CFAP43: variants seen among roughly 807,000 people sequenced by gnomAD.
CFAP43 encodes cilia and flagella associated protein 43.
A neutral mutation model predicts 218.9 loss-of-function variants in CFAP43; 155 were observed. That is an observed-to-expected ratio of 0.71 (90% confidence interval 0.62 to 0.81). The LOEUF (loss-of-function observed/expected upper bound fraction) is 0.81, where lower values mean the gene tolerates loss of function less well. Among genes scored for constraint, CFAP43 ranks in the 30% least tolerant of loss-of-function variants. The pLI is 0.00. For missense variants in CFAP43, 1,778 were observed against 1,954.3 expected (o/e 0.91, Z 1.70); for synonymous variants, 645 against 681.3 (o/e 0.95, Z 0.83).
chr10:104,207,944 T>C (rs1201173651), intron 5 of CFAP43, 120 bp from the exon 6 acceptor site: 3 of 947,562 alleles, frequency 3.2e-6, no homozygotes, highest in East Asian at 5.4e-5. Context: ...GCAGAAAACA[T>C]AGGAACATTG....
intron 27 of CFAP43, among the ~76,000 whole-genome samples, chr10:104,157,219 ACT>A (rs2088595282): frequency 6.6e-6 from 1 of 152,122 alleles, no homozygotes; most frequent in African/African-American, 2.4e-5. Flanking sequence ...CTTTCCCTGG[ACT>A]CTGTTTAGTT....
chr10:104,193,709 C>G, intron 11 of CFAP43, 157 bp downstream of exon 11: 1 of 1,018,016 alleles, frequency 9.8e-7, no homozygotes, highest in Middle Eastern at 3.3e-4. Flanking sequence ...TACTACACAG[C>G]CCTCTGTACC....
chr10:104,178,066 A>G (rs2089692757), intron 19 of CFAP43, among the ~76,000 whole-genome samples: 1 of 152,226 alleles, frequency 6.6e-6, no homozygotes, highest in Admixed American at 6.5e-5. Context: ...GCATGGCACA[A>G]CACAGCAGTC....
At chr10:104,175,095 AAAC>A (rs2089574618) in intron 19 of CFAP43, among the ~76,000 whole-genome samples, 1 of 151,586 alleles carries the variant, frequency 6.6e-6, no homozygotes, top group African/African-American at 2.4e-5. Flanking sequence ...AAACAAAAAA[AAAC>A]CAAAAAGAAA....
chr10:104,206,604 A>T (rs7907367), intron 6 of CFAP43, among the ~76,000 whole-genome samples: 8,663 of 152,288 alleles, frequency 0.057, 292 homozygotes, highest in South Asian at 0.13. Context: ...AACTGCATAG[A>T]TTGGGTCAGA....
At chr10:104,163,264 C>CAAAAGG (rs2088972955) in intron 24 of CFAP43, among the ~76,000 whole-genome samples, 1 of 152,128 alleles carries the variant, frequency 6.6e-6, no homozygotes, top group Non-Finnish European at 1.5e-5. Flanking sequence ...ATATCAGTAC[C>CAAAAGG]TACCTTATGA....
chr10:104,170,443 G>T (rs1367639660), intron 20 of CFAP43, among the ~76,000 whole-genome samples: 1 of 152,106 alleles, frequency 6.6e-6, no homozygotes, highest in African/African-American at 2.4e-5. Context: ...TATACAGCTT[G>T]GAGAGAGAAG....
chr10:104,187,099 G>A (rs965256880), intron 14 of CFAP43, among the ~76,000 whole-genome samples: 3 of 152,186 alleles, frequency 2.0e-5, no homozygotes, highest in Non-Finnish European at 4.4e-5. Context: ...ATCTGACAAA[G>A]ATGATGTATG....
intron 27 of CFAP43, among the ~76,000 whole-genome samples, chr10:104,153,142 A>G (rs2088359058): frequency 2.0e-5 from 3 of 152,236 alleles, no homozygotes; most frequent in Admixed American, 2.0e-4. Context: ...TTAAGGAAAT[A>G]AGAAGTGAAT....
chr10:104,229,245 C>T (rs1276398021), intron 2 of CFAP43, among the ~76,000 whole-genome samples: 1 of 152,180 alleles, frequency 6.6e-6, no homozygotes, highest in East Asian at 1.9e-4. Context: ...GACTACAGAG[C>T]TAAGTCCAGC....
Position 104,132,206 on chromosome 10 carries a change from TA to T in CFAP43, c.4597-11del, listed in dbSNP as rs550312817. On this transcript the variant is annotated splice_polypyrimidine_tract_variant and intron_variant, in intron 35 of 37. Coordinates refer to ENST00000357060, the MANE Select transcript of CFAP43 (RefSeq NM_025145.7). Reference sequence around the variant, plus strand: ...TTGGTTCATTTAGGTACTTTGAGATTAAAAAAAAACATGTAAGGATATTTTT... The same window carrying T: ...TTGGTTCATTTAGGTACTTTGAGATTAAAAAAAACATGTAAGGATATTTTT... 9.7e-4 allele frequency: 1,492 copies of T among 1,536,092 alleles called. 1 individual carries two copies. Among genetic ancestry groups the T allele is most frequent in the African/African-American group, 5.0e-3 (357 of 72,028 alleles).
In CFAP43 at chr10:104,133,599, AG is replaced by A. The variant is rs770198557; in HGVS notation, c.4596+20del. 2 of 1,603,120 alleles carry A rather than the reference AG, an allele frequency of 1.2e-6. No individual in the cohort carries two copies. Among genetic ancestry groups the A allele is most frequent in the Non-Finnish European group, 8.5e-7 (1 of 1,176,156 alleles). ...TTAATGAATAAAATTAAAACTATGT[AG>A]GGGGGTAGGGAGAATTTACCTTTTG... On this transcript the variant is annotated intron_variant, in intron 35 of 37. Transcript: ENST00000357060.
At chr10:104,150,683 G>A (rs2088208875) in intron 28 of CFAP43, among the ~76,000 whole-genome samples, 1 of 152,060 alleles carries the variant, frequency 6.6e-6, no homozygotes, top group African/African-American at 2.4e-5. Context: ...CTCATCAAAT[G>A]AGTGCATGTA....
intron 1 of CFAP43, among the ~76,000 whole-genome samples, chr10:104,231,632 C>T (rs1411835573): frequency 6.6e-6 from 1 of 152,018 alleles, no homozygotes; most frequent in East Asian, 1.9e-4. Flanking sequence ...GAGGTGGGGG[C>T]TGGGAGGAAC....
chr10:104,210,221 A>G (rs2090812408), intron 5 of CFAP43, among the ~76,000 whole-genome samples: 1 of 152,234 alleles, frequency 6.6e-6, no homozygotes, highest in South Asian at 2.1e-4. Context: ...AATGCAGGAG[A>G]TTGACTATAA....
At chr10:104,222,575 T>A (rs1163304560) in intron 3 of CFAP43, among the ~76,000 whole-genome samples, 1 of 152,130 alleles carries the variant, frequency 6.6e-6, no homozygotes, top group Admixed American at 6.5e-5. Flanking sequence ...TACCCTGTCC[T>A]CCCCTGCCCT....
chr10:104,157,476 G>T (rs2088608923), intron 27 of CFAP43, among the ~76,000 whole-genome samples: 1 of 152,056 alleles, frequency 6.6e-6, no homozygotes, highest in South Asian at 2.1e-4. Flanking sequence ...GTTACCAAAG[G>T]GGCTCAGCGT....
chr10:104,182,920 G>A (rs1258352195), intron 16 of CFAP43, among the ~76,000 whole-genome samples: 2 of 151,970 alleles, frequency 1.3e-5, no homozygotes, highest in African/African-American at 2.4e-5. Context: ...TGGGTTCCAG[G>A]CCATGACAAG....
At chr10:104,190,876 T>C (rs1167285711) in intron 12 of CFAP43, among the ~76,000 whole-genome samples, 1 of 152,220 alleles carries the variant, frequency 6.6e-6, no homozygotes, top group African/African-American at 2.4e-5. Context: ...ACTAGATGCA[T>C]GGCCTTGAAC....
Sources: allele counts gnomAD v4.1 joint callset (sites outside exome capture counted in the v4.1 genomes callset), GRCh38; gene constraint gnomAD v4.1.1; transcripts MANE v1.5; gene names NCBI Gene and HGNC (gene_info 2026-07-23, HGNC 2026-07-21).